IGF2R: variants seen among roughly 807,000 people sequenced by gnomAD.
IGF2R encodes insulin like growth factor 2 receptor, also known as cation-independent mannose-6-phosphate receptor.
A neutral mutation model predicts 270.6 loss-of-function variants in IGF2R; 91 were observed. That is an observed-to-expected ratio of 0.34 (90% CI 0.28 to 0.40). The LOEUF is 0.40. Ranked by LOEUF, IGF2R falls within the 10% of genes least tolerant of loss-of-function variation. The pLI is 1.00. For synonymous variants in IGF2R, 1,316 were observed against 1,258.9 expected (o/e 1.05, Z -0.96); for missense variants, 2,805 against 3,188.3 (o/e 0.88, Z 2.90).
rs1779631748 is a variant in IGF2R, at chr6:160,106,825, C to G, written c.*1741C>G. On this transcript the variant is annotated 3_prime_UTR_variant, in exon 48 of 48. Coordinates refer to ENST00000356956, the MANE Select transcript of IGF2R (RefSeq NM_000876.4). ...CGGGGTGTGGTCCTGTTCATCAAAA[C>G]AATGAACATGGAGTTTAGAGTCCAG... 1 of 152,200 alleles carries G rather than the reference C, an allele frequency of 6.6e-6. No individual in the cohort carries two copies. Among genetic ancestry groups the G allele is most frequent in the Admixed American group, 6.5e-5 (1 of 15,278 alleles). 9.4% of individuals were successfully genotyped at this position (152,200 alleles called of 1,614,324 possible). A position where few individuals can be genotyped will look rare whatever the true frequency, so the allele number is the denominator to read the frequency against.
Position 160,096,947 on chromosome 6 carries a change from G to T in IGF2R, c.6842+322G>T, listed in dbSNP as rs9457837. Among the ~76,000 whole-genome samples the T allele has an allele frequency of 2.3e-3, 351 of 152,270 alleles. 1 individual carries two copies. Among genetic ancestry groups the T allele is most frequent in the African/African-American group, 8.4e-3 (348 of 41,546 alleles). On this transcript the variant is annotated intron_variant, in intron 45 of 47. Transcript: ENST00000356956. ...TCTGTCCCTCTACCCTGTTCCCATT[G>T]CTGCCTCCCTCTCCTTAGCTCCTGG...
At chr6:160,029,880 C>G (rs900398770) in intron 7 of IGF2R, among the ~76,000 whole-genome samples, 1 of 152,226 alleles carries the variant, frequency 6.6e-6, no homozygotes, top group Non-Finnish European at 1.5e-5. Context: ...TGCTTTTTTA[C>G]AGCAATCCGG....
intron 4 of IGF2R, among the ~76,000 whole-genome samples, chr6:160,017,436 T>G (rs953839482): frequency 6.6e-6 from 1 of 152,214 alleles, no homozygotes; most frequent in Non-Finnish European, 1.5e-5. Context: ...CTGGAAAATG[T>G]ATTTGAGGAC....
At chr6:160,051,655 G>A (rs969252734) in intron 19 of IGF2R, among the ~76,000 whole-genome samples, 4 of 152,094 alleles carry the variant, frequency 2.6e-5, no homozygotes, top group African/African-American at 9.7e-5. Context: ...TACAAAACAG[G>A]AATAAGAAAT....
chr6:159,980,238 A>AGGTACAT (rs1048277007), intron 1 of IGF2R, among the ~76,000 whole-genome samples: 1 of 141,486 alleles, frequency 7.1e-6, no homozygotes, highest in Non-Finnish European at 1.5e-5. Context: ...AAAGAAAGAA[A>AGGTACAT]GGTACATGGA....
In IGF2R at chr6:160,102,072, G is replaced by T. The variant is rs1033129602; in HGVS notation, c.6843-447G>T. ...CTAAGGCCCCCTGGGCCCCTTTCGT[G>T]TGGAGATGGTGTCTCATGGTGGGCT... On this transcript the variant is annotated intron_variant, in intron 45 of 47. Transcript: ENST00000356956. The surrounding 1 kb of genome is among the most constrained non-coding windows in gnomAD (Gnocchi z 4.5). Among the ~76,000 whole-genome samples the T allele has an allele frequency of 3.3e-5, 5 of 152,202 alleles. No individual in the cohort carries two copies. Among genetic ancestry groups the T allele is most frequent in the African/African-American group, 1.2e-4 (5 of 41,454 alleles).
Position 160,104,967 on chromosome 6 carries a change from G to A in IGF2R, c.7359G>A (p.Leu2453=), listed in dbSNP as rs771638093. The change falls in exon 48 of 48, where the codon CTG becomes CTA. Residue 2453 remains leucine, a synonymous_variant. Transcript: ENST00000356956. The part of the protein sequence containing the change: ...LQEREDDRVG[L]VRGEKARKGK... ...AGCGTGAGGACGATAGGGTGGGGCT[G>A]GTCAGGGGTGAGAAGGCGAGGAAAG... 3.3e-5 allele frequency: 53 copies of A among 1,613,964 alleles called. No individual in the cohort carries two copies. In the South Asian group the frequency reaches 4.2e-4, roughly 13 times the overall value.
In IGF2R at chr6:159,998,018, A is replaced by G. The variant is rs1050140780; in HGVS notation, c.289+6695A>G. Among the ~76,000 whole-genome samples, 1 of 152,178 alleles carries G rather than the reference A, an allele frequency of 6.6e-6. No individual in the cohort carries two copies. The highest frequency in any genetic ancestry group is 6.5e-5 in the Admixed American group (1 of 15,272). On this transcript the variant is annotated intron_variant, in intron 2 of 47. Coordinates refer to ENST00000356956, the MANE Select transcript of IGF2R (RefSeq NM_000876.4). This position sits in a 1 kb window ranked among gnomAD's most constrained non-coding sequence, Gnocchi z 4.1. ...GAGGGATTTGAGGCCTGGGATTGAGATCTGAGAAAGCACTAGATTGTTGTG... is the reference window on the plus strand; with the variant it reads ...GAGGGATTTGAGGCCTGGGATTGAGGTCTGAGAAAGCACTAGATTGTTGTG...
chr6:160,024,563 C>A lies in IGF2R; in HGVS notation c.514-9C>A, dbSNP rs148327536. ...ACTGAAGACTCACTTTTTTCTTCCT[C>A]CCTTCCAGGTGCCATGCTATGTGTT... On this transcript the variant is annotated splice_polypyrimidine_tract_variant and intron_variant, in intron 4 of 47. Coordinates refer to ENST00000356956, the MANE Select transcript of IGF2R (RefSeq NM_000876.4). The A allele has an allele frequency of 1.8e-4, 292 of 1,612,234 alleles. 1 individual carries two copies. Among genetic ancestry groups the A allele is most frequent in the African/African-American group, 1.3e-3 (96 of 74,846 alleles).
intron 1 of IGF2R, among the ~76,000 whole-genome samples, chr6:159,989,003 C>T (rs1003964060): frequency 2.6e-5 from 4 of 152,136 alleles, no homozygotes; most frequent in Non-Finnish European, 5.9e-5. Flanking sequence ...CATCTTGACT[C>T]TAGGAGACAC....
chr6:160,038,180 C>T (rs1016531700), intron 10 of IGF2R, among the ~76,000 whole-genome samples: 5 of 152,116 alleles, frequency 3.3e-5, no homozygotes, highest in Admixed American at 1.3e-4. Context: ...GGAGAATAAA[C>T]TAGAGCCTGT....
intron 6 of IGF2R, among the ~76,000 whole-genome samples, chr6:160,028,843 AT>A (rs1777625071): frequency 6.7e-6 from 1 of 149,556 alleles, no homozygotes; most frequent in African/African-American, 2.5e-5. Context: ...TTTTTTTTTA[AT>A]TTTGTTATCT....
intron 41 of IGF2R, among the ~76,000 whole-genome samples, chr6:160,086,717 C>T (rs1180950012): frequency 3.9e-5 from 6 of 152,216 alleles, no homozygotes; most frequent in Non-Finnish European, 8.8e-5. Context: ...TCAGCTGGAG[C>T]AGCTTTGAGT....
chr6:159,975,788 T>C (rs1783684770), intron 1 of IGF2R, among the ~76,000 whole-genome samples: 1 of 147,678 alleles, frequency 6.8e-6, no homozygotes, highest in Admixed American at 6.8e-5. Context: ...ATATATAATA[T>C]ATAATATATA....
intron 1 of IGF2R, among the ~76,000 whole-genome samples, chr6:159,977,216 C>A (rs1783708478): frequency 6.6e-6 from 1 of 152,162 alleles, no homozygotes; most frequent in Admixed American, 6.5e-5. Flanking sequence ...ATTATTTTTC[C>A]TTGGGCCCAG....
intron 39 of IGF2R, 22 bp from the exon 40 acceptor site, chr6:160,083,928 C>T: frequency 1.3e-6 from 2 of 1,528,562 alleles, no homozygotes; most frequent in South Asian, 2.2e-5. Context: ...TGATCTCTCT[C>T]TCTTTTCCCT....
At position 159,998,996 on chromosome 6, in the gene IGF2R, T is replaced by TG; in HGVS notation, c.289+7676dup. On this transcript the variant is annotated intron_variant, in intron 2 of 47. Coordinates refer to ENST00000356956, the MANE Select transcript of IGF2R (RefSeq NM_000876.4). The surrounding 1 kb of genome is among the most constrained non-coding windows in gnomAD (Gnocchi z 4.1). ...CGCAAAATGGATCTGTGTTCTACAG[T>TG]GGGCAGGTCTGTGCAAATCTGCCCC... Among the ~76,000 whole-genome samples, 1 of 152,308 alleles carries TG rather than the reference T, an allele frequency of 6.6e-6. No individual in the cohort carries two copies. Among genetic ancestry groups the TG allele is most frequent in the Admixed American group, 6.5e-5 (1 of 15,296 alleles).
intron 2 of IGF2R, among the ~76,000 whole-genome samples, chr6:159,991,577 A>C (rs1242491514): frequency 2.0e-5 from 3 of 152,182 alleles, no homozygotes; most frequent in Non-Finnish European, 1.5e-5. Flanking sequence ...AATTATGTAG[A>C]TGTGTATTTG....
At position 160,063,549 on chromosome 6, in the gene IGF2R, G is replaced by A. The variant is rs1336997192; in HGVS notation, c.3805G>A (p.Val1269Ile). ...GGTCTGTGGGAAGCTTTCCTCAGAC[G>A]TCTGCCCCACAAGTGACAAGTCCAA... ...FRVCGKLSSD[V>I]CPTSDKSKVV... The change falls in exon 27 of 48, where the codon GTC becomes ATC. Residue 1269 changes from valine to isoleucine, a missense_variant. By Grantham distance (29) the Val-to-Ile change is conservative. This residue lies in a region of IGF2R where 1,851 missense variants were observed against 2,207.2 expected (regional missense o/e 0.84). Coordinates refer to ENST00000356956, the MANE Select transcript of IGF2R (RefSeq NM_000876.4). 4 of 1,614,116 alleles carry A rather than the reference G, an allele frequency of 2.5e-6. No homozygotes were observed. Among genetic ancestry groups the A allele is most frequent in the Admixed American group, 3.3e-5 (2 of 60,018 alleles).
Sources: allele counts gnomAD v4.1 joint callset (sites outside exome capture counted in the v4.1 genomes callset), GRCh38; gene constraint gnomAD v4.1.1; regional missense constraint gnomAD v4.1.1; non-coding constraint Gnocchi (gnomAD v3.1); transcripts MANE v1.5; gene names NCBI Gene and HGNC (gene_info 2026-07-23, HGNC 2026-07-21).